SPDYA: variants seen among roughly 807,000 people sequenced by gnomAD.
SPDYA encodes speedy/RINGO cell cycle regulator family member A.
A neutral mutation model predicts 36.7 loss-of-function variants in SPDYA; 11 were observed. The observed-to-expected ratio is 0.30, with a 90% CI of 0.19 to 0.50. The LOEUF is 0.50. Among genes scored for constraint, SPDYA ranks in the 20% least tolerant of loss-of-function variants. The pLI, the probability that SPDYA is intolerant of heterozygous loss-of-function variation, is 0.98. For missense variants in SPDYA, 287 were observed against 370.9 expected (o/e 0.77, Z 1.86); for synonymous variants, 115 against 118.7 (o/e 0.97, Z 0.20).
chr2:28,812,700 T>C (rs944636021), intron 1 of SPDYA, among the ~76,000 whole-genome samples: 1 of 151,258 alleles, frequency 6.6e-6, no homozygotes, highest in African/African-American at 2.4e-5. Context: ...CTACTGAAAA[T>C]ACGAAAATTA....
intron 7 of SPDYA, among the ~76,000 whole-genome samples, chr2:28,849,052 A>C (rs1031004325): frequency 6.6e-6 from 1 of 152,070 alleles, no homozygotes; most frequent in African/African-American, 2.4e-5. Flanking sequence ...CTCAAAAAAA[A>C]AAACACACAC....
intron 5 of SPDYA, among the ~76,000 whole-genome samples, chr2:28,825,316 A>G (rs936662847): frequency 1.3e-5 from 2 of 152,160 alleles, no homozygotes; most frequent in Admixed American, 6.5e-5. Context: ...CTGAAATTGA[A>G]TTCGTTTAAC....
At chr2:28,833,209 A>ATCATGACTTCTCT (rs1668518024) in intron 6 of SPDYA, among the ~76,000 whole-genome samples, 1 of 152,108 alleles carries the variant, frequency 6.6e-6, no homozygotes, top group Non-Finnish European at 1.5e-5. Context: ...CTCTACTCAA[A>ATCATGACTTCTCT]AGCCTCCAGT....
At chr2:28,829,352 C>T in intron 6 of SPDYA, 33 bp downstream of exon 6, 2 of 1,552,560 alleles carry the variant, frequency 1.3e-6, no homozygotes, top group East Asian at 2.4e-5. Context: ...TATATGTAAT[C>T]TTTGTTTTCT....
At chr2:28,822,257 C>G (rs1668187486) in intron 4 of SPDYA, 68 bp from the exon 5 acceptor site, 1 of 649,558 alleles carries the variant, frequency 1.5e-6, no homozygotes. Flanking sequence ...TTAAAGTTAA[C>G]TATTTTAAAG....
chr2:28,818,706 T>C (rs1668056083), intron 3 of SPDYA, among the ~76,000 whole-genome samples: 1 of 152,142 alleles, frequency 6.6e-6, no homozygotes, highest in Non-Finnish European at 1.5e-5. Context: ...TCATATGTAT[T>C]TGAGTAATAG....
chr2:28,832,604 C>T (rs894848922), intron 6 of SPDYA, among the ~76,000 whole-genome samples: 2 of 152,170 alleles, frequency 1.3e-5, no homozygotes, highest in African/African-American at 4.8e-5. Context: ...TTGACACAGA[C>T]CTCCAGATTT....
intron 6 of SPDYA, among the ~76,000 whole-genome samples, chr2:28,837,933 G>A (rs1199941717): frequency 1.3e-5 from 2 of 151,590 alleles, no homozygotes; most frequent in African/African-American, 4.9e-5. Context: ...GAAAAACAGA[G>A]GGCCAAGTAT....
rs184304122 is a variant in SPDYA at position 28,823,389 on chromosome 2, G to A, written c.380+979G>A. Among the ~76,000 whole-genome samples the A allele has an allele frequency of 3.8e-4, 58 of 152,082 alleles. 1 individual carries two copies. The East Asian group carries it at 0.01, about 27-fold the overall frequency. On this transcript the variant is annotated intron_variant, in intron 5 of 7. Coordinates refer to ENST00000334056, the MANE Select transcript of SPDYA (RefSeq NM_182756.4). Reference sequence around the variant, plus strand: ...TGTAATCCCAACACTTTGGGAGGCCGAGGCGGGTGGATCATCTGAGGTCAG... The same window carrying A: ...TGTAATCCCAACACTTTGGGAGGCCAAGGCGGGTGGATCATCTGAGGTCAG...
intron 6 of SPDYA, among the ~76,000 whole-genome samples, chr2:28,832,526 G>A (rs1193040805): frequency 2.0e-5 from 3 of 152,000 alleles, no homozygotes; most frequent in Non-Finnish European, 4.4e-5. Context: ...ATACGAAATC[G>A]CCTGTTGGTA....
At chr2:28,836,262 C>CT (rs1668598642) in intron 6 of SPDYA, among the ~76,000 whole-genome samples, 3 of 152,114 alleles carry the variant, frequency 2.0e-5, no homozygotes, top group South Asian at 2.1e-4. Flanking sequence ...CTAGTGTTCT[C>CT]TTTTTTCTGT....
At chr2:28,848,820 G>C (rs1668954607) in intron 7 of SPDYA, among the ~76,000 whole-genome samples, 1 of 152,058 alleles carries the variant, frequency 6.6e-6, no homozygotes, top group Non-Finnish European at 1.5e-5. Flanking sequence ...AAGGCAGAAG[G>C]ACTGCTTGAG....
chr2:28,821,992 G>A (rs1478977960), intron 4 of SPDYA, among the ~76,000 whole-genome samples: 2 of 152,300 alleles, frequency 1.3e-5, no homozygotes, highest in East Asian at 3.9e-4. Context: ...TCTAAGTGAG[G>A]ATGCATGGCT....
At chr2:28,835,225 C>T (rs956967166) in intron 6 of SPDYA, among the ~76,000 whole-genome samples, 5 of 148,686 alleles carry the variant, frequency 3.4e-5, no homozygotes, top group African/African-American at 1.2e-4. Context: ...TAGTGCCTGA[C>T]CTTTTTTTTT....
At chr2:28,831,266 G>A (rs547380378) in intron 6 of SPDYA, among the ~76,000 whole-genome samples, 1 of 152,268 alleles carries the variant, frequency 6.6e-6, no homozygotes, top group South Asian at 2.1e-4. Flanking sequence ...GCTGTGGTGT[G>A]AGAATCACCT....
At chr2:28,824,707 C>A (rs943457035) in intron 5 of SPDYA, among the ~76,000 whole-genome samples, 1 of 151,642 alleles carries the variant, frequency 6.6e-6, no homozygotes, top group African/African-American at 2.4e-5. Context: ...CCACCACGCC[C>A]GGCTAATTTT....
At chr2:28,840,139 A>C (rs1312905081) in intron 6 of SPDYA, 33 bp from the exon 7 acceptor site, 1 of 1,577,504 alleles carries the variant, frequency 6.3e-7, no homozygotes, top group South Asian at 1.2e-5. Context: ...TTGAAATATT[A>C]CTAAAATTCT....
At chr2:28,823,873 G>A (rs547416959) in intron 5 of SPDYA, among the ~76,000 whole-genome samples, 4 of 146,836 alleles carry the variant, frequency 2.7e-5, no homozygotes, top group Non-Finnish European at 6.0e-5. Context: ...AGCTTCCCAA[G>A]TAGCTGGGAT....
At chr2:28,841,065 T>G (rs200233647) in intron 7 of SPDYA, among the ~76,000 whole-genome samples, 3 of 151,112 alleles carry the variant, frequency 2.0e-5, no homozygotes, top group Non-Finnish European at 4.4e-5. Flanking sequence ...CTCCTAAGTA[T>G]CTGGGATTAC....
Sources: gnomAD v4.1 joint callset for allele counts (sites outside exome capture counted in the v4.1 genomes callset) on GRCh38, gnomAD v4.1.1 for gene constraint, MANE v1.5 for transcripts, NCBI Gene and HGNC (gene_info 2026-07-23, HGNC 2026-07-21) for gene names.